The following TAB3 variants were observed in gnomAD, a reference collection of about 807,000 sequenced individuals.
TAB3 encodes the protein TGF-beta activated kinase 1 (MAP3K7) binding protein 3.
In TAB3, 18 loss-of-function variants were observed where a neutral mutation model predicts 48.1. That is an observed-to-expected ratio of 0.37 (90% CI 0.26 to 0.55). The LOEUF (loss-of-function observed/expected upper bound fraction) is 0.55. Among genes scored for constraint, TAB3 ranks in the 20% least tolerant of loss-of-function variants. The pLI, the probability that TAB3 is intolerant of heterozygous loss-of-function variation, is 0.78. For synonymous variants in TAB3, 185 were observed against 190.2 expected, an observed-to-expected ratio of 0.97 and a Z score of 0.22; for missense variants, 414 against 549.8, an observed-to-expected ratio of 0.75 and a Z score of 2.47.
Position 30,852,891 on chromosome X carries a change from G to A in TAB3, c.1597C>T (p.Leu533=), listed in dbSNP as rs759963794. The A allele has an allele frequency of 8.3e-7, 1 of 1,211,466 alleles. No homozygotes were observed. Among genetic ancestry groups the A allele is most frequent in the Admixed American group, 2.2e-5 (1 of 46,000 alleles). The part of the protein sequence containing the change: ...RARMERLAKQ[L]KLEKEELERL... ...TCTAGCTCCTCTTTCTCAAGTTTCAGTTGCTTTGCTAACCTCTCCATCCTT... is the reference window on the plus strand; with the variant it reads ...TCTAGCTCCTCTTTCTCAAGTTTCAATTGCTTTGCTAACCTCTCCATCCTT... Residue 533 remains leucine, a synonymous_variant, in exon 7 of 11, where the codon CTG becomes TTG. Transcript: ENST00000288422.
At chrX:30,833,856 AATTTC>A (rs1427145883) in intron 10 of TAB3, among the ~76,000 whole-genome samples, 190 bp downstream of exon 10, 22 of 110,696 alleles carry the variant, frequency 2.0e-4, no homozygotes, top group Non-Finnish European at 3.6e-4. Flanking sequence ...AAAAAAAATT[AATTTC>A]ATCTTTGCTA....
At chrX:30,850,778 C>T (rs1250749106) in intron 7 of TAB3, among the ~76,000 whole-genome samples, 1 of 95,129 alleles carries the variant, frequency 1.1e-5, no homozygotes, top group African/African-American at 3.7e-5. Flanking sequence ...AAATCTGGGG[C>T]TTTTTTCTTT....
At chrX:30,845,299 A>T (rs1287562744) in intron 8 of TAB3, 3 of 112,681 alleles carry the variant, frequency 2.7e-5, no homozygotes, top group Non-Finnish European at 5.6e-5. Flanking sequence ...ACTTTAACGT[A>T]ACAAAACACT....
At chrX:30,869,390 T>C (rs1298472388) in intron 2 of TAB3, among the ~76,000 whole-genome samples, 2 of 112,078 alleles carry the variant, frequency 1.8e-5, no homozygotes, top group Non-Finnish European at 3.8e-5. Flanking sequence ...CCCACATTTA[T>C]GTTAACCCCC....
chrX:30,841,181 G>A (rs1449159227), intron 9 of TAB3, among the ~76,000 whole-genome samples: 1 of 111,923 alleles, frequency 8.9e-6, no homozygotes, highest in East Asian at 2.8e-4. Flanking sequence ...TGTAATCCCA[G>A]CACTTTGGGA....
intron 1 of TAB3, among the ~76,000 whole-genome samples, chrX:30,887,850 T>C (rs1821627152): frequency 8.9e-6 from 1 of 112,456 alleles, no homozygotes; most frequent in African/African-American, 3.2e-5. Context: ...AAATCACATA[T>C]TTAATATTTA....
At chrX:30,870,298 C>T (rs1295829681) in intron 2 of TAB3, among the ~76,000 whole-genome samples, 1 of 112,370 alleles carries the variant, frequency 8.9e-6, no homozygotes, top group Non-Finnish European at 1.9e-5. Context: ...GTCTCATTAA[C>T]CCTGAAATCC....
Position 30,852,779 on chromosome X carries a change from G to A in TAB3, c.1709C>T (p.Thr570Met), listed in dbSNP as rs950225626. The change falls in exon 7 of 11, where the codon ACG (threonine) becomes ATG (methionine). Residue 570 changes from threonine (T) to methionine (M), a missense_variant and splice_region_variant. Transcript: ENST00000288422. Reference protein sequence around the residue: ...RRVSCTTAIPTPEEMTRLRSM... With the variant: ...RRVSCTTAIPMPEEMTRLRSM... The stretch of plus-strand genomic sequence containing the variant: ...AACACATCCTAACAGATCACTTACC[G>A]TAGGGATCGCAGTGGTGCAGCTGAC... The A allele has an allele frequency of 9.9e-6, 12 of 1,207,207 alleles. No individual in the cohort carries two copies. Among genetic ancestry groups the A allele is most frequent in the Middle Eastern group, 2.3e-4 (1 of 4,359 alleles).
chrX:30,833,358 G>A (rs1226261456), intron 10 of TAB3, among the ~76,000 whole-genome samples: 2 of 110,429 alleles, frequency 1.8e-5, no homozygotes, highest in Non-Finnish European at 3.8e-5. Context: ...AAAAAAATTC[G>A]TATCTTACTG....
rs1181198591 is a variant in TAB3 at position 30,834,136 on chromosome X, G to A, written c.1905C>T (p.Cys635=). 3 of 1,208,908 alleles carry A rather than the reference G, an allele frequency of 2.5e-6. No individual in the cohort carries two copies. Among genetic ancestry groups the A allele is most frequent in the Admixed American group, 4.4e-5 (2 of 45,633 alleles). Residue 635 remains cysteine, a synonymous_variant, in exon 10 of 11, where the codon TGC becomes TGT. Transcript: ENST00000288422. ...TTCTTCGGGCTTTTCTCTCAATTGTGCAGGGGTCTGAGGAGTCTGCATAAA... is the reference window on the plus strand; with the variant it reads ...TTCTTCGGGCTTTTCTCTCAATTGTACAGGGGTCTGAGGAGTCTGCATAAA... The part of the protein sequence containing the change: ...KPSKKDSSDP[C]TIERKARRIS...
At chrX:30,858,217 T>A (rs1939136328) in intron 5 of TAB3, among the ~76,000 whole-genome samples, 1 of 112,052 alleles carries the variant, frequency 8.9e-6, no homozygotes, top group East Asian at 2.8e-4. Context: ...AATAAAGGGC[T>A]AAGTGAAATA....
chrX:30,839,927 T>TATATATATA (rs1400016506), intron 9 of TAB3, among the ~76,000 whole-genome samples: 4 of 98,714 alleles, frequency 4.1e-5, no homozygotes, highest in African/African-American at 1.5e-4. Context: ...TATATATATA[T>TATATATATA]ATATATATAT....
At chrX:30,852,097 G>T (rs1029219515) in intron 7 of TAB3, among the ~76,000 whole-genome samples, 1 of 112,483 alleles carries the variant, frequency 8.9e-6, no homozygotes, top group Non-Finnish European at 1.9e-5. Flanking sequence ...AAGGTGAAAT[G>T]ATAGGTTGGA....
rs1214159435 is a variant in TAB3, at chrX:30,828,210, C to G, written c.*3217G>C. On this transcript the variant is annotated 3_prime_UTR_variant, in exon 11 of 11. Coordinates refer to ENST00000288422, the MANE Select transcript of TAB3 (RefSeq NM_152787.5). Reference sequence around the variant, plus strand: ...TACATTACAATTACCTCTTAAAAGACTATATAAAATTGAATTGCCACAGAA... The same window carrying G: ...TACATTACAATTACCTCTTAAAAGAGTATATAAAATTGAATTGCCACAGAA... The G allele has an allele frequency of 1.8e-5, 2 of 113,434 alleles. No homozygotes were observed. Among genetic ancestry groups the G allele is most frequent in the African/African-American group, 6.5e-5 (2 of 30,784 alleles). The allele number at this position is 113,434 out of a possible 1,213,427, so 9.3% of individuals were successfully genotyped here. A position where few individuals can be genotyped will look rare whatever the true frequency, so the allele number is the denominator to read the frequency against.
In TAB3 at chrX:30,852,859, C is replaced by G; in HGVS notation, c.1629G>C (p.Leu543Phe). ...LKLEKEELERLKSEVNGMEHD... is the reference protein window; with the variant it reads ...LKLEKEELERFKSEVNGMEHD... ...GCTCCATACCATTAACTTCAGACTT[C>G]AACCGCTCTAGCTCCTCTTTCTCAA... The change falls in exon 7 of 11, where the codon TTG (leucine) becomes TTC (phenylalanine). Residue 543 changes from leucine (L) to phenylalanine (F), a missense_variant. Leu to Phe is a conservative substitution (Grantham distance 22). Transcript: ENST00000288422. 2 of 1,211,504 alleles carry G rather than the reference C, an allele frequency of 1.7e-6. No individual in the cohort carries two copies. Among genetic ancestry groups the G allele is most frequent in the Non-Finnish European group, 2.2e-6 (2 of 895,299 alleles).
intron 2 of TAB3, among the ~76,000 whole-genome samples, chrX:30,868,882 T>C (rs994969403): frequency 9.3e-6 from 1 of 107,940 alleles, no homozygotes; most frequent in African/African-American, 3.4e-5. Context: ...TATCATACAT[T>C]TAATTTTGCA....
chrX:30,855,640 G>A, intron 5 of TAB3, 78 bp from the exon 6 acceptor site: 1 of 972,242 alleles, frequency 1.0e-6, no homozygotes, highest in Non-Finnish European at 1.4e-6. Context: ...TTGCCAGAGA[G>A]TTATGCAAAT....
At chrX:30,877,024 C>T (rs945988885) in intron 1 of TAB3, among the ~76,000 whole-genome samples, 2 of 111,671 alleles carry the variant, frequency 1.8e-5, no homozygotes, top group Admixed American at 1.9e-4. Flanking sequence ...TGTCAAACCA[C>T]ATGTGTAACA....
intron 2 of TAB3, among the ~76,000 whole-genome samples, chrX:30,871,094 T>C (rs757767728): frequency 7.1e-5 from 8 of 112,406 alleles, no homozygotes; most frequent in Non-Finnish European, 1.3e-4. Flanking sequence ...ATAAACTATG[T>C]AGAAATCACG....
Sources: allele counts gnomAD v4.1 joint callset (sites outside exome capture counted in the v4.1 genomes callset), GRCh38; gene constraint gnomAD v4.1.1; transcripts MANE v1.5; gene names NCBI Gene and HGNC (gene_info 2026-07-23, HGNC 2026-07-21).